USH2A: variants seen among roughly 807,000 people sequenced by gnomAD.
The protein encoded by USH2A is Usher syndrome 2A (autosomal recessive, mild).
Under a neutral mutation model 538.9 loss-of-function variants are expected in USH2A, and 443 were observed. The ratio of observed to expected loss-of-function variants is 0.82; its 90% CI spans 0.76 to 0.89. The LOEUF (loss-of-function observed/expected upper bound fraction) is 0.89, where lower values mean the gene tolerates loss of function less well. USH2A is among the 40% of genes least tolerant of loss of function. The probability of loss-of-function intolerance (pLI) is 0.00; values close to 1 mark genes in which losing one functional copy is unlikely to be tolerated. For synonymous variants in USH2A, 2,413 were observed against 2,273.5 expected, an observed-to-expected ratio of 1.06 and a Z score of -1.75; for missense variants, 6,633 against 6,324.8, an observed-to-expected ratio of 1.05 and a Z score of -1.65.
rs573624006 is a variant in USH2A, at chr1:215,866,019, C to A, written c.8845+988G>T. Among the ~76,000 whole-genome samples the A allele has an allele frequency of 1.1e-4, 17 of 152,242 alleles. No homozygotes were observed. The South Asian group carries it at 3.5e-3, about 32-fold the overall frequency. ...TGCCCAACCAGTAGTGACTTTTCATCTTTTTATATCATCAATAGATGATTA... is the reference window on the plus strand; with the variant it reads ...TGCCCAACCAGTAGTGACTTTTCATATTTTTATATCATCAATAGATGATTA... On this transcript the variant is annotated intron_variant, in intron 44 of 71. Coordinates refer to ENST00000307340, the MANE Select transcript of USH2A (RefSeq NM_206933.4).
intron 21 of USH2A, among the ~76,000 whole-genome samples, chr1:216,171,377 A>G (rs1225095558): frequency 6.6e-6 from 1 of 152,050 alleles, no homozygotes; most frequent in Non-Finnish European, 1.5e-5. Context: ...CCTCACCACT[A>G]AGTCAATTAA....
chr1:216,022,375 A>G (rs1360551783), intron 32 of USH2A, among the ~76,000 whole-genome samples: 1 of 152,102 alleles, frequency 6.6e-6, no homozygotes, highest in Non-Finnish European at 1.5e-5. Flanking sequence ...ATCTCTGAAC[A>G]TTGTGAACAA....
At chr1:216,113,357 A>T (rs2032922494) in intron 21 of USH2A, among the ~76,000 whole-genome samples, 1 of 152,086 alleles carries the variant, frequency 6.6e-6, no homozygotes, top group African/African-American at 2.4e-5. Flanking sequence ...TTCATTTCTG[A>T]GTTCACTGCA....
chr1:216,326,225 A>G (rs2037732267), intron 5 of USH2A, among the ~76,000 whole-genome samples: 1 of 152,162 alleles, frequency 6.6e-6, no homozygotes, highest in Admixed American at 6.5e-5. Context: ...TAATTTTTCC[A>G]TTAGGGGCAA....
chr1:216,164,047 T>C (rs2102630987), intron 21 of USH2A, among the ~76,000 whole-genome samples: 1 of 152,244 alleles, frequency 6.6e-6, no homozygotes, highest in East Asian at 1.9e-4. Context: ...AATTACTTAA[T>C]TACATGTTTG....
chr1:215,920,898 T>G (rs1666082285), intron 38 of USH2A, among the ~76,000 whole-genome samples: 1 of 152,054 alleles, frequency 6.6e-6, no homozygotes, highest in South Asian at 2.1e-4. Context: ...TTTGTGGCCA[T>G]TCCAGTGAAC....
intron 38 of USH2A, among the ~76,000 whole-genome samples, chr1:215,933,932 G>A (rs143515920): frequency 9.2e-5 from 14 of 151,896 alleles, no homozygotes; most frequent in Admixed American, 3.3e-4. Flanking sequence ...TCCTCAATGC[G>A]ATTATTTCCC....
rs144105585 is a variant in USH2A, at chr1:216,357,602, AACAG to A, written c.784+7347_784+7350del. On this transcript the variant is annotated intron_variant, in intron 4 of 71. Transcript: ENST00000307340. Reference sequence around the variant, plus strand: ...CTTTTCTTCCCTGCATATTCACTTTAACAGACACTCAACAAATATTTATTGATTC... The same window carrying A: ...CTTTTCTTCCCTGCATATTCACTTTAACACTCAACAAATATTTATTGATTC... Among the ~76,000 whole-genome samples, 992 of 152,298 alleles carry A rather than the reference AACAG, an allele frequency of 6.5e-3. 8 individuals carry two copies. The highest frequency in any genetic ancestry group is 9.5e-3 in the Non-Finnish European group (647 of 68,012).
At chr1:215,721,546 G>A (rs1462843100) in intron 61 of USH2A, among the ~76,000 whole-genome samples, 2 of 152,078 alleles carry the variant, frequency 1.3e-5, no homozygotes, top group Admixed American at 1.3e-4. Flanking sequence ...AGAAAAATAT[G>A]GCTCTTTCAA....
intron 4 of USH2A, among the ~76,000 whole-genome samples, chr1:216,364,442 A>T (rs957954021): frequency 6.6e-6 from 1 of 152,232 alleles, no homozygotes; most frequent in African/African-American, 2.4e-5. Context: ...CAAAAGATCT[A>T]TTATCCATCT....
At chr1:216,283,374 G>C (rs1240419736) in intron 11 of USH2A, among the ~76,000 whole-genome samples, 1 of 152,206 alleles carries the variant, frequency 6.6e-6, no homozygotes, top group African/African-American at 2.4e-5. Context: ...ACAGGCATGA[G>C]CCACCGCGCC....
intron 60 of USH2A, among the ~76,000 whole-genome samples, chr1:215,740,884 C>A (rs185491605): frequency 1.3e-5 from 2 of 152,124 alleles, no homozygotes; most frequent in Non-Finnish European, 2.9e-5. Flanking sequence ...CCCCCACATG[C>A]GCAGTTCACA....
At chr1:215,859,082 G>A (rs1488383782) in intron 44 of USH2A, among the ~76,000 whole-genome samples, 1 of 152,084 alleles carries the variant, frequency 6.6e-6, no homozygotes, top group African/African-American at 2.4e-5. Flanking sequence ...GAGAGAAAGA[G>A]CAAGCGAGCC....
intron 32 of USH2A, among the ~76,000 whole-genome samples, chr1:216,024,002 T>A (rs1668905784): frequency 6.6e-6 from 1 of 152,072 alleles, no homozygotes; most frequent in African/African-American, 2.4e-5. Flanking sequence ...GTTATATAAG[T>A]TTCACTTATA....
intron 33 of USH2A, 46 bp downstream of exon 33, chr1:216,000,357 A>T: frequency 6.2e-7 from 1 of 1,611,978 alleles, no homozygotes; most frequent in Non-Finnish European, 8.5e-7. Flanking sequence ...ACTCACTGAG[A>T]TTCTTGCATG....
chr1:216,348,164 A>C (rs887197318), intron 4 of USH2A, among the ~76,000 whole-genome samples: 1 of 152,172 alleles, frequency 6.6e-6, no homozygotes, highest in Non-Finnish European at 1.5e-5. Flanking sequence ...CAGAATTTAG[A>C]AACTATTTGT....
intron 61 of USH2A, among the ~76,000 whole-genome samples, chr1:215,691,115 C>A (rs1326520186): frequency 6.6e-6 from 1 of 152,162 alleles, no homozygotes; most frequent in African/African-American, 2.4e-5. Flanking sequence ...AACTCCTGAC[C>A]TTGTGATGTG....
intron 12 of USH2A, among the ~76,000 whole-genome samples, chr1:216,249,689 C>T (rs1243319317): frequency 5.3e-5 from 8 of 152,048 alleles, no homozygotes; most frequent in Admixed American, 3.3e-4. Context: ...TCGTGTAATG[C>T]CACTAAACAC....
In USH2A at chr1:215,624,025, C is replaced by T. The variant is rs1020122119; in HGVS notation, c.*1756G>A. Reference sequence around the variant, plus strand: ...AATGCTTATTTGTGCCAGCTTTAAACAACTTTATTGTCCCAGAATCGGCAT... The same window carrying T: ...AATGCTTATTTGTGCCAGCTTTAAATAACTTTATTGTCCCAGAATCGGCAT... On this transcript the variant is annotated 3_prime_UTR_variant, in exon 72 of 72. Coordinates refer to ENST00000307340, the MANE Select transcript of USH2A (RefSeq NM_206933.4). 1 of 152,144 alleles carries T rather than the reference C, an allele frequency of 6.6e-6. No individual in the cohort carries two copies. The highest frequency in any genetic ancestry group is 1.5e-5 in the Non-Finnish European group (1 of 68,006). The allele number at this position is 152,144 out of a possible 1,614,324, so 9.4% of individuals were successfully genotyped here.
Sources: allele counts gnomAD v4.1 joint callset (sites outside exome capture counted in the v4.1 genomes callset), GRCh38; gene constraint gnomAD v4.1.1; transcripts MANE v1.5; gene names NCBI Gene and HGNC (gene_info 2026-07-23, HGNC 2026-07-21).